TIMP2: variants seen among roughly 807,000 people sequenced by gnomAD.
TIMP2 encodes the protein TIMP metallopeptidase inhibitor 2.
TIMP2 carries 5 observed loss-of-function variants against 24.3 expected under a neutral mutation model. The ratio of observed to expected loss-of-function variants is 0.21; its 90% CI spans 0.11 to 0.43. The LOEUF (loss-of-function observed/expected upper bound fraction) is 0.43, where lower values mean the gene tolerates loss of function less well. TIMP2 is among the 20% of genes least tolerant of loss of function. TIMP2 has a pLI of 1.00. For missense variants in TIMP2, 221 were observed against 297.5 expected, an observed-to-expected ratio of 0.74 and a Z score of 1.89; for synonymous variants, 130 against 123.2, an observed-to-expected ratio of 1.06 and a Z score of -0.37.
intron 3 of TIMP2, among the ~76,000 whole-genome samples, chr17:78,865,631 A>AG: frequency 6.6e-6 from 1 of 150,850 alleles, no homozygotes; most frequent in Non-Finnish European, 1.5e-5. Flanking sequence ...TCTCAAAAAA[A>AG]AAAAAAAAAA....
intron 1 of TIMP2, among the ~76,000 whole-genome samples, chr17:78,886,670 C>T (rs2069827989): frequency 6.6e-6 from 1 of 152,080 alleles, no homozygotes; most frequent in African/African-American, 2.4e-5. Flanking sequence ...CAACCCTAGC[C>T]CATGACATTC....
At chr17:78,876,642 G>A (rs1345419604) in intron 1 of TIMP2, among the ~76,000 whole-genome samples, 3 of 151,280 alleles carry the variant, frequency 2.0e-5, no homozygotes, top group Non-Finnish European at 4.4e-5. Context: ...TCAGCCTCCT[G>A]AGTAGCTGGG....
intron 1 of TIMP2, among the ~76,000 whole-genome samples, chr17:78,913,078 A>AGAAAAAAAAATATTT (rs2070222840): frequency 6.6e-6 from 1 of 152,102 alleles, no homozygotes; most frequent in South Asian, 2.1e-4. Context: ...GGTGGCAAAA[A>AGAAAAAAAAATATTT]GAAAAAAAAA....
intron 2 of TIMP2, among the ~76,000 whole-genome samples, chr17:78,871,771 A>G (rs2069687547): frequency 1.3e-5 from 2 of 150,164 alleles, no homozygotes; most frequent in South Asian, 2.2e-4. Context: ...GCGTGAACCC[A>G]GGAGGCGGAG....
Position 78,924,924 on chromosome 17 carries a change from G to A in TIMP2, c.130+35C>T. 1 of 1,193,880 alleles carries A rather than the reference G, an allele frequency of 8.4e-7. No homozygotes were observed. The highest frequency in any genetic ancestry group is 1.0e-6 in the Non-Finnish European group (1 of 955,984). The allele number at this position is 1,193,880 out of a possible 1,614,324, so 74.0% of individuals were successfully genotyped here. ...ACCCTCGGGGTCGCGGGGGAGGTGG[G>A]GCCCCGCGCGGGGGCTGGGGTCGCC... is the stretch of plus-strand genomic sequence containing the variant. On this transcript the variant is annotated intron_variant, in intron 1 of 4. Coordinates refer to ENST00000262768, the MANE Select transcript of TIMP2 (RefSeq NM_003255.5). This position sits in a 1 kb window ranked among gnomAD's most constrained non-coding sequence, Gnocchi z 5.3.
intron 1 of TIMP2, chr17:78,922,422 A>C (rs2070314783): frequency 6.6e-6 from 1 of 152,236 alleles, no homozygotes; most frequent in Admixed American, 6.5e-5. Context: ...AGATCCTATG[A>C]ATATGACCTT....
chr17:78,882,974 C>A (rs991455937), intron 1 of TIMP2, among the ~76,000 whole-genome samples: 1 of 152,162 alleles, frequency 6.6e-6, no homozygotes, highest in Non-Finnish European at 1.5e-5. Context: ...TTTTGGTCAG[C>A]GGGTGCGGCA....
intron 1 of TIMP2, chr17:78,899,109 G>A (rs2070048570): frequency 6.6e-6 from 1 of 152,252 alleles, no homozygotes; most frequent in African/African-American, 2.4e-5. Context: ...CATCTCTAAA[G>A]CGCTCCCAGG....
At chr17:78,866,912 C>T (rs1020449678) in intron 3 of TIMP2, among the ~76,000 whole-genome samples, 8 of 152,068 alleles carry the variant, frequency 5.3e-5, no homozygotes, top group African/African-American at 1.9e-4. Flanking sequence ...CTCAAGAATA[C>T]AGGATTTCTT....
intron 1 of TIMP2, among the ~76,000 whole-genome samples, chr17:78,874,752 T>G (rs1038427524): frequency 1.1e-4 from 17 of 151,514 alleles, no homozygotes; most frequent in African/African-American, 3.6e-4. Flanking sequence ...TAATTTTTTT[T>G]TTTTTTCAGA....
chr17:78,884,989 TG>T (rs1008848541), intron 1 of TIMP2, among the ~76,000 whole-genome samples: 3 of 152,114 alleles, frequency 2.0e-5, no homozygotes, highest in South Asian at 2.1e-4. Context: ...GCCAGCAGGT[TG>T]GGGGGGAGCA....
At chr17:78,892,012 C>T (rs755011713) in intron 1 of TIMP2, 17 of 1,550,578 alleles carry the variant, frequency 1.1e-5, no homozygotes, top group African/African-American at 4.1e-5. Context: ...CCTTGGCCCT[C>T]GGGGGCCTGG....
intron 1 of TIMP2, among the ~76,000 whole-genome samples, chr17:78,894,507 T>C (rs963106580): frequency 2.0e-5 from 3 of 152,130 alleles, no homozygotes; most frequent in Non-Finnish European, 4.4e-5. Flanking sequence ...AATGCAATGA[T>C]TGAGATTTTT....
intron 1 of TIMP2, chr17:78,898,827 T>G (rs2070043251): frequency 6.6e-6 from 1 of 152,250 alleles, no homozygotes; most frequent in Non-Finnish European, 1.5e-5. Flanking sequence ...AACCTCCCCC[T>G]CCTGGGTTCA....
intron 1 of TIMP2, among the ~76,000 whole-genome samples, chr17:78,888,837 A>G (rs2069850864): frequency 6.6e-6 from 1 of 152,214 alleles, no homozygotes; most frequent in African/African-American, 2.4e-5. Flanking sequence ...TGATGGGCTC[A>G]TGGTACTTCA....
At chr17:78,923,467 T>C (rs901037710) in intron 1 of TIMP2, among the ~76,000 whole-genome samples, 2 of 150,804 alleles carry the variant, frequency 1.3e-5, no homozygotes, top group African/African-American at 4.9e-5. Flanking sequence ...GGTCCTTTTA[T>C]CCACAGCCTC....
chr17:78,917,251 CAAAAAAAAA>C (rs10592875), intron 1 of TIMP2, among the ~76,000 whole-genome samples: 1 of 77,430 alleles, frequency 1.3e-5, no homozygotes, highest in Non-Finnish European at 2.3e-5. Context: ...GACTCCGTCT[CAAAAAAAAA>C]AAAAAAAAAA....
chr17:78,859,527 G>C (rs1223455780), intron 3 of TIMP2, among the ~76,000 whole-genome samples: 1 of 152,046 alleles, frequency 6.6e-6, no homozygotes, highest in Non-Finnish European at 1.5e-5. Context: ...GCCAGGCGTG[G>C]TGATGCATGC....
chr17:78,886,862 CT>C lies in TIMP2; in HGVS notation c.131-12944del, dbSNP rs562356420. Among the ~76,000 whole-genome samples, 289 of 152,178 alleles carry C rather than the reference CT, an allele frequency of 1.9e-3. 2 individuals are homozygous for C. Among genetic ancestry groups the C allele is most frequent in the African/African-American group, 6.9e-3 (286 of 41,468 alleles). ...ACCTCAGCCTCCCTAGTAGCTGGAACTATAGGTGCACGCCAGTATGCCTGGC... is the reference window on the plus strand; with the variant it reads ...ACCTCAGCCTCCCTAGTAGCTGGAACATAGGTGCACGCCAGTATGCCTGGC... On this transcript the variant is annotated intron_variant, in intron 1 of 4. Coordinates refer to ENST00000262768, the MANE Select transcript of TIMP2 (RefSeq NM_003255.5).
Sources: allele counts gnomAD v4.1 joint callset (sites outside exome capture counted in the v4.1 genomes callset), GRCh38; gene constraint gnomAD v4.1.1; non-coding constraint Gnocchi (gnomAD v3.1); transcripts MANE v1.5; gene names NCBI Gene and HGNC (gene_info 2026-07-23, HGNC 2026-07-21).